The following CYTH1 variants were observed in gnomAD, a reference collection of about 807,000 sequenced individuals.
The protein encoded by CYTH1 is cytohesin 1, also known as cytohesin-1.
Under a neutral mutation model 61.8 loss-of-function variants are expected in CYTH1, and 18 were observed. The ratio of observed to expected loss-of-function variants is 0.29; its 90% CI spans 0.20 to 0.43. The LOEUF (loss-of-function observed/expected upper bound fraction) is 0.43, where lower values mean the gene tolerates loss of function less well. Ranked by LOEUF, CYTH1 falls within the 20% of genes least tolerant of loss-of-function variation. The probability of loss-of-function intolerance (pLI) is 1.00; values close to 1 mark genes in which losing one functional copy is unlikely to be tolerated. For missense variants in CYTH1, 336 were observed against 510.5 expected, an observed-to-expected ratio of 0.66 and a Z score of 3.29; for synonymous variants, 174 against 184.3, an observed-to-expected ratio of 0.94 and a Z score of 0.45.
intron 11 of CYTH1, among the ~76,000 whole-genome samples, chr17:78,684,167 T>C (rs905586628): frequency 1.3e-5 from 2 of 152,154 alleles, no homozygotes; most frequent in African/African-American, 2.4e-5. Context: ...TGGCCCCCCC[T>C]CTTTCCTGCT....
At chr17:78,698,163 GCA>G (rs2092963658) in intron 9 of CYTH1, 104 bp downstream of exon 9, 2 of 926,978 alleles carry the variant, frequency 2.2e-6, no homozygotes, top group East Asian at 2.4e-5. Flanking sequence ...ACATGCACAC[GCA>G]CAAACACGCA....
intron 12 of CYTH1, 44 bp from the exon 13 acceptor site, chr17:78,680,388 T>C (rs1406079830): frequency 6.4e-7 from 1 of 1,563,094 alleles, no homozygotes; most frequent in South Asian, 1.2e-5. Context: ...CAAAGGAAGC[T>C]GTTAACTGAG....
chr17:78,741,934 AT>A (rs745828534), intron 1 of CYTH1, among the ~76,000 whole-genome samples: 2 of 152,210 alleles, frequency 1.3e-5, no homozygotes, highest in African/African-American at 2.4e-5. Flanking sequence ...AGGAAAAGGA[AT>A]TTGGAAACAT....
chr17:78,728,802 G>A (rs1257015255), intron 1 of CYTH1, among the ~76,000 whole-genome samples: 1 of 152,258 alleles, frequency 6.6e-6, no homozygotes, highest in East Asian at 1.9e-4. Flanking sequence ...CTTTGAATCG[G>A]TAAAGAAAAA....
intron 1 of CYTH1, among the ~76,000 whole-genome samples, chr17:78,725,267 A>T (rs1161005035): frequency 6.6e-6 from 1 of 152,182 alleles, no homozygotes; most frequent in Non-Finnish European, 1.5e-5. Flanking sequence ...CAGTTTACCC[A>T]TATTAACCAT....
At chr17:78,682,835 C>A (rs902857302) in intron 11 of CYTH1, among the ~76,000 whole-genome samples, 3 of 152,182 alleles carry the variant, frequency 2.0e-5, no homozygotes, top group African/African-American at 7.2e-5. Context: ...GCAGCCTTGG[C>A]GTGCATTCAT....
chr17:78,742,037 T>C (rs1163887879), intron 1 of CYTH1, among the ~76,000 whole-genome samples: 1 of 152,244 alleles, frequency 6.6e-6, no homozygotes, highest in Non-Finnish European at 1.5e-5. Flanking sequence ...ATGTTGTAAC[T>C]TACTTAACCA....
intron 1 of CYTH1, among the ~76,000 whole-genome samples, chr17:78,735,199 C>G (rs1056435235): frequency 6.6e-6 from 1 of 152,174 alleles, no homozygotes; most frequent in Admixed American, 6.5e-5. Flanking sequence ...TAACCTCATG[C>G]CCCACCCCCA....
At chr17:78,699,716 C>G (rs1278696918) in intron 7 of CYTH1, among the ~76,000 whole-genome samples, 1 of 152,140 alleles carries the variant, frequency 6.6e-6, no homozygotes, top group Admixed American at 6.5e-5. Flanking sequence ...CAAATACATA[C>G]ACATGCTTTT....
intron 1 of CYTH1, among the ~76,000 whole-genome samples, chr17:78,765,016 G>C (rs987628788): frequency 6.6e-6 from 1 of 152,086 alleles, no homozygotes; most frequent in Non-Finnish European, 1.5e-5. Context: ...AAGTCTTGTC[G>C]AGAGAGTGCG....
At chr17:78,726,627 T>C (rs2093268315) in intron 1 of CYTH1, among the ~76,000 whole-genome samples, 1 of 151,958 alleles carries the variant, frequency 6.6e-6, no homozygotes, top group Non-Finnish European at 1.5e-5. Flanking sequence ...GAGAGGGCAG[T>C]CCAGGCAGAG....
chr17:78,716,916 T>C lies in CYTH1; in HGVS notation c.23-7184A>G, dbSNP rs542996431. On this transcript the variant is annotated intron_variant, in intron 1 of 13. Transcript: ENST00000446868. ...GAACAAGAAAGGTGGTGGTCAGAAATACCCATGTCTACCTCACAGCCCGGG... is the reference window on the plus strand; with the variant it reads ...GAACAAGAAAGGTGGTGGTCAGAAACACCCATGTCTACCTCACAGCCCGGG... 7 of 152,370 alleles carry C rather than the reference T, an allele frequency of 4.6e-5. No homozygotes were observed. In the East Asian group the frequency reaches 7.7e-4, roughly 17 times the overall value. The allele number at this position is 152,370 out of a possible 1,614,324, so 9.4% of individuals were successfully genotyped here.
chr17:78,779,150 C>T (rs1443453624), intron 1 of CYTH1, among the ~76,000 whole-genome samples: 1 of 152,086 alleles, frequency 6.6e-6, no homozygotes, highest in African/African-American at 2.4e-5. Context: ...CCTGTAATCC[C>T]AGCACTTTGG....
Position 78,708,290 on chromosome 17 carries a change from G to A in CYTH1, c.106-29C>T, listed in dbSNP as rs1161413932. 2.5e-6 allele frequency: 4 copies of A among 1,591,996 alleles called. No homozygotes were observed. The East Asian group carries it at 6.9e-5, about 27-fold the overall frequency. ...TAAAACAGACAGTCCAGAGTCAGCAGGAAAGGCAGATGCAGATCAAATTAA... is the reference window on the plus strand; with the variant it reads ...TAAAACAGACAGTCCAGAGTCAGCAAGAAAGGCAGATGCAGATCAAATTAA... On this transcript the variant is annotated intron_variant, in intron 2 of 13. Coordinates refer to ENST00000446868, the MANE Select transcript of CYTH1 (RefSeq NM_004762.6).
Position 78,708,221 on chromosome 17 carries a change from T to C in CYTH1, c.146A>G (p.Glu49Gly). The C allele has an allele frequency of 1.2e-6, 2 of 1,613,678 alleles. No individual in the cohort carries two copies. The highest frequency in any genetic ancestry group is 1.7e-6 in the Non-Finnish European group (2 of 1,179,880). Residue 49 changes from glutamate to glycine, a missense_variant, in exon 3 of 14, where the codon GAA becomes GGA. Physicochemically the swap from Glu to Gly is moderately conservative, Grantham distance 98. Coordinates refer to ENST00000446868, the MANE Select transcript of CYTH1 (RefSeq NM_004762.6). Reference protein sequence around the residue: ...DEIAEVANEIENLGSTEERKN... With the variant: ...DEIAEVANEIGNLGSTEERKN... ...CCTTTCCTCTGTGGATCCCAGGTTTTCAATTTCATTAGCTACTTCTGCTAT... is the reference window on the plus strand; with the variant it reads ...CCTTTCCTCTGTGGATCCCAGGTTTCCAATTTCATTAGCTACTTCTGCTAT...
intron 11 of CYTH1, among the ~76,000 whole-genome samples, chr17:78,681,532 A>G (rs1019794093): frequency 3.9e-5 from 6 of 152,120 alleles, no homozygotes; most frequent in Non-Finnish European, 8.8e-5. Context: ...CCTCAGAGAC[A>G]CTGCCATCCT....
chr17:78,752,001 G>A (rs2093382238), intron 1 of CYTH1, among the ~76,000 whole-genome samples: 1 of 152,188 alleles, frequency 6.6e-6, no homozygotes, highest in Admixed American at 6.5e-5. Context: ...CTCCCAAAGT[G>A]CTGGGATAAC....
chr17:78,771,162 C>T (rs569386912), intron 1 of CYTH1, among the ~76,000 whole-genome samples: 1 of 152,236 alleles, frequency 6.6e-6, no homozygotes, highest in African/African-American at 2.4e-5. Context: ...ACTCAGGAGG[C>T]TGAGGCAGGT....
chr17:78,701,857 GC>G (rs748439872), intron 5 of CYTH1, 106 bp from the exon 6 acceptor site: 4 of 1,170,728 alleles, frequency 3.4e-6, no homozygotes, highest in Non-Finnish European at 5.1e-6. Flanking sequence ...TGGTCCTGTG[GC>G]TCCTGCCCAG....
Sources: gnomAD v4.1 joint callset for allele counts (sites outside exome capture counted in the v4.1 genomes callset) on GRCh38, gnomAD v4.1.1 for gene constraint, MANE v1.5 for transcripts, NCBI Gene and HGNC (gene_info 2026-07-23, HGNC 2026-07-21) for gene names.